RBFOX1: variants seen among roughly 807,000 people sequenced by gnomAD.
RBFOX1 encodes RNA binding protein fox-1 homolog 1.
In RBFOX1, 8 loss-of-function variants were observed where a neutral mutation model predicts 57.7. That is an observed-to-expected ratio of 0.14 (90% CI 0.08 to 0.25). The LOEUF is 0.25. RBFOX1 is among the 10% of genes least tolerant of loss of function. The pLI is 1.00. For missense variants in RBFOX1, 611 were observed against 548.5 expected (o/e 1.11, Z -1.14); for synonymous variants, 326 against 222.4 (o/e 1.47, Z -4.15).
At chr16:6,994,481 A>G (rs933174989) in intron 3 of RBFOX1, among the ~76,000 whole-genome samples, 1 of 152,188 alleles carries the variant, frequency 6.6e-6, no homozygotes, top group Non-Finnish European at 1.5e-5. Flanking sequence ...ACTGTTAGGA[A>G]ACTTCACAGT....
intron 2 of RBFOX1, among the ~76,000 whole-genome samples, chr16:6,479,283 A>G (rs902665661): frequency 1.3e-5 from 2 of 152,340 alleles, no homozygotes; most frequent in East Asian, 1.9e-4. Context: ...CACATCTTAC[A>G]TGGCGGCAGG....
At chr16:6,443,912 C>A (rs1311313572) in intron 2 of RBFOX1, among the ~76,000 whole-genome samples, 2 of 152,056 alleles carry the variant, frequency 1.3e-5, no homozygotes, top group African/African-American at 4.8e-5. Flanking sequence ...TATTGAATCC[C>A]CATTTATGTT....
At chr16:6,163,811 A>AATC (rs1314340037) in intron 1 of RBFOX1, among the ~76,000 whole-genome samples, 1 of 152,124 alleles carries the variant, frequency 6.6e-6, no homozygotes, top group Non-Finnish European at 1.5e-5. Flanking sequence ...TTTTTTGCCC[A>AATC]ATCTTAATTA....
At chr16:6,783,991 C>T (rs1463527124) in intron 3 of RBFOX1, among the ~76,000 whole-genome samples, 1 of 152,152 alleles carries the variant, frequency 6.6e-6, no homozygotes, top group Non-Finnish European at 1.5e-5. Flanking sequence ...AAGGTTTCTG[C>T]TGAGAAGTCT....
intron 1 of RBFOX1, among the ~76,000 whole-genome samples, chr16:6,051,933 CCA>C (rs1399945185): frequency 4.6e-5 from 7 of 152,050 alleles, no homozygotes; most frequent in Non-Finnish European, 1.0e-4. Context: ...AGTTCCACTG[CCA>C]GAGTCAGAGC....
chr16:7,408,503 G>T (rs2098383901), intron 4 of RBFOX1, among the ~76,000 whole-genome samples: 1 of 152,164 alleles, frequency 6.6e-6, no homozygotes, highest in South Asian at 2.1e-4. Flanking sequence ...CTGAGAAGTA[G>T]CTAATTCCCG....
chr16:7,155,832 A>T (rs1024143725), intron 4 of RBFOX1, among the ~76,000 whole-genome samples: 1 of 151,250 alleles, frequency 6.6e-6, no homozygotes, highest in South Asian at 2.1e-4. Flanking sequence ...TGTGCTCTAT[A>T]TAATACCTAT....
In RBFOX1 at chr16:6,290,685, G is replaced by C. The variant is rs1049313489; in HGVS notation, c.-126-26310G>C. On this transcript the variant is annotated intron_variant, in intron 1 of 15. Transcript: ENST00000550418. ...ACGTATCAGGTGTTCAGTGAATATT[G>C]GAGGTGTTTGTTGTGGTGGTGGTAG... Among the ~76,000 whole-genome samples the C allele has an allele frequency of 2.6e-5, 4 of 152,170 alleles. No homozygotes were observed. The South Asian group carries it at 8.3e-4, about 32-fold the overall frequency.
chr16:7,263,217 T>C (rs1277609169), intron 4 of RBFOX1, among the ~76,000 whole-genome samples: 1 of 152,148 alleles, frequency 6.6e-6, no homozygotes, highest in African/African-American at 2.4e-5. Flanking sequence ...GTTACTTTGC[T>C]CAGGATATTC....
Position 7,102,671 on chromosome 16 carries a change from G to T in RBFOX1, c.27+50573G>T, listed in dbSNP as rs899490611. On this transcript the variant is annotated intron_variant, in intron 4 of 15. Transcript: ENST00000550418. ...CTATTTTCAACAGTGAACATTTCTC[G>T]CTAATCTTGCACACCAGCATGTGAT... Among the ~76,000 whole-genome samples, 9 of 152,186 alleles carry T rather than the reference G, an allele frequency of 5.9e-5. No homozygotes were observed. In the South Asian group the frequency reaches 8.3e-4, roughly 14 times the overall value.
At chr16:5,435,061 A>G (rs1366739377) in intron 1 of RBFOX1, among the ~76,000 whole-genome samples, 1 of 152,242 alleles carries the variant, frequency 6.6e-6, no homozygotes, top group Non-Finnish European at 1.5e-5. Context: ...TTGCAAAAGC[A>G]GTAAATGATA....
intron 3 of RBFOX1, among the ~76,000 whole-genome samples, chr16:5,789,146 T>G (rs1162641898): frequency 6.6e-6 from 1 of 152,200 alleles, no homozygotes; most frequent in Non-Finnish European, 1.5e-5. Flanking sequence ...GTAAGGAGGA[T>G]TCATCAAAAT....
chr16:6,071,005 G>C (rs1378419791), intron 1 of RBFOX1, among the ~76,000 whole-genome samples: 1 of 152,116 alleles, frequency 6.6e-6, no homozygotes, highest in Non-Finnish European at 1.5e-5. Context: ...TAAATTGAAA[G>C]GGATCACCAA....
chr16:5,620,278 C>G (rs2048164413), intron 3 of RBFOX1, among the ~76,000 whole-genome samples: 1 of 152,162 alleles, frequency 6.6e-6, no homozygotes, highest in Admixed American at 6.5e-5. Flanking sequence ...CACATGCCAT[C>G]TGAATTGAGA....
At chr16:7,019,320 A>G (rs143290953) in intron 3 of RBFOX1, among the ~76,000 whole-genome samples, 21 of 152,162 alleles carry the variant, frequency 1.4e-4, no homozygotes, top group African/African-American at 3.9e-4. Flanking sequence ...AAGGGATCCA[A>G]TTTTTCATAT....
At chr16:6,721,334 T>C (rs1477025401) in intron 3 of RBFOX1, among the ~76,000 whole-genome samples, 1 of 152,022 alleles carries the variant, frequency 6.6e-6, no homozygotes, top group African/African-American at 2.4e-5. Context: ...TCCCAACTAC[T>C]TGGGAGGCCA....
chr16:7,268,875 A>C (rs1414011557), intron 4 of RBFOX1, among the ~76,000 whole-genome samples: 4 of 151,938 alleles, frequency 2.6e-5, no homozygotes, highest in East Asian at 3.9e-4. Context: ...CATCTCTACT[A>C]AAAATACAAA....
intron 3 of RBFOX1, among the ~76,000 whole-genome samples, chr16:5,739,693 T>C (rs968128081): frequency 1.3e-5 from 2 of 152,248 alleles, no homozygotes; most frequent in East Asian, 1.9e-4. Flanking sequence ...CTTAGAATTC[T>C]TAGAGCCAAC....
rs188444499 is a variant in RBFOX1 at position 6,476,770 on chromosome 16, C to T, written c.-64+159713C>T. Among the ~76,000 whole-genome samples the T allele has an allele frequency of 5.0e-4, 76 of 152,306 alleles. 2 individuals are homozygous for T. Among genetic ancestry groups the T allele is most frequent in the South Asian group, 4.4e-3 (21 of 4,824 alleles). ...ATTCTTCCTTTCATGAAATACTTCT[C>T]TGCAGCACCTGATGCTGTTTGACAG... On this transcript the variant is annotated intron_variant, in intron 2 of 15. Transcript: ENST00000550418.
Sources: allele counts gnomAD v4.1 joint callset (sites outside exome capture counted in the v4.1 genomes callset), GRCh38; gene constraint gnomAD v4.1.1; transcripts MANE v1.5; gene names NCBI Gene and HGNC (gene_info 2026-07-23, HGNC 2026-07-21).